The following PRKCE variants were observed in gnomAD, a reference collection of about 807,000 sequenced individuals.
PRKCE encodes the protein protein kinase C epsilon, also known as protein kinase C epsilon type.
A neutral mutation model predicts 85.4 loss-of-function variants in PRKCE; 16 were observed. That is an observed-to-expected ratio of 0.19 (90% CI 0.13 to 0.28). The LOEUF is 0.28. Among genes scored for constraint, PRKCE ranks in the 10% least tolerant of loss-of-function variants. PRKCE has a pLI of 1.00. For missense variants in PRKCE, 573 were observed against 975.2 expected (o/e 0.59, Z 5.49); for synonymous variants, 388 against 371.5 (o/e 1.04, Z -0.51).
chr2:45,910,579 C>G (rs1028237746), intron 2 of PRKCE, among the ~76,000 whole-genome samples: 3 of 152,150 alleles, frequency 2.0e-5, no homozygotes, highest in Admixed American at 6.5e-5. Flanking sequence ...ATCTCCAAGC[C>G]TTGGTTACTT....
At chr2:45,958,661 G>A (rs1701147777) in intron 2 of PRKCE, among the ~76,000 whole-genome samples, 1 of 149,928 alleles carries the variant, frequency 6.7e-6, no homozygotes, top group Admixed American at 6.6e-5. Context: ...GAGAGAGGGA[G>A]TTGTCTCTAT....
chr2:45,685,133 C>G (rs572311560), intron 1 of PRKCE, among the ~76,000 whole-genome samples: 2 of 152,224 alleles, frequency 1.3e-5, no homozygotes, highest in East Asian at 3.9e-4. Flanking sequence ...TCCTGGATAA[C>G]CAAAACCTGG....
intron 1 of PRKCE, among the ~76,000 whole-genome samples, chr2:45,709,321 C>A (rs1338731116): frequency 2.0e-5 from 3 of 152,232 alleles, no homozygotes; most frequent in Non-Finnish European, 4.4e-5. Context: ...TCTCAGCCTT[C>A]CTGGGTCAAG....
chr2:45,862,222 ACACACAGT>A (rs1310619504), intron 2 of PRKCE, among the ~76,000 whole-genome samples: 5 of 141,958 alleles, frequency 3.5e-5, no homozygotes, highest in African/African-American at 9.9e-5. Context: ...ACACACACAC[ACACACAGT>A]ATTTCAAATC....
rs1675192734 is a variant in PRKCE, at chr2:45,652,883, T to C, written c.348+435T>C. 6.6e-6 allele frequency among the ~76,000 whole-genome samples: 1 copy of C among 152,194 alleles called. No homozygotes were observed. Among genetic ancestry groups the C allele is most frequent in the Non-Finnish European group, 1.5e-5 (1 of 68,044 alleles). On this transcript the variant is annotated intron_variant, in intron 1 of 14. Transcript: ENST00000306156. The surrounding 1 kb of genome is among the most constrained non-coding windows in gnomAD (Gnocchi z 7.7). ...CTTCTTGCACGTCCTGGCTTTGTCC[T>C]GCTTAGCCGAGCGAGGAGTTGCTTT...
At chr2:45,720,635 C>A (rs1680537108) in intron 1 of PRKCE, among the ~76,000 whole-genome samples, 1 of 152,128 alleles carries the variant, frequency 6.6e-6, no homozygotes. Context: ...TCTGGTGAGA[C>A]CCAAACTTGA....
At position 45,895,736 on chromosome 2, in the gene PRKCE, A is replaced by C. The variant is rs72801099; in HGVS notation, c.412+52673A>C. Among the ~76,000 whole-genome samples, 5,829 of 152,228 alleles carry C rather than the reference A, an allele frequency of 0.038. 136 individuals are homozygous for C. The highest frequency in any genetic ancestry group is 0.1 in the Middle Eastern group (30 of 294). ...AGGGGCTGGGGCAATCCAGTGGAAA[A>C]GGATGGTCTCAATCTCAGTGCAGTA... On this transcript the variant is annotated intron_variant, in intron 2 of 14. Coordinates refer to ENST00000306156, the MANE Select transcript of PRKCE (RefSeq NM_005400.3). The surrounding 1 kb of genome is among the most constrained non-coding windows in gnomAD (Gnocchi z 4.8).
intron 2 of PRKCE, among the ~76,000 whole-genome samples, chr2:45,897,661 CAG>C (rs1291373748): frequency 6.6e-6 from 1 of 152,074 alleles, no homozygotes; most frequent in Non-Finnish European, 1.5e-5. Context: ...GCTTTCATGA[CAG>C]AGATTATTTG....
chr2:46,148,683 A>C (rs1326472240), intron 12 of PRKCE, among the ~76,000 whole-genome samples: 1 of 152,250 alleles, frequency 6.6e-6, no homozygotes, highest in African/African-American at 2.4e-5. Flanking sequence ...CACTGGGCTC[A>C]GTAGCATGTT....
chr2:45,655,585 G>C (rs1323026355), intron 1 of PRKCE, among the ~76,000 whole-genome samples: 1 of 152,074 alleles, frequency 6.6e-6, no homozygotes, highest in Non-Finnish European at 1.5e-5. Context: ...CAACTACTTG[G>C]GAGGCTGAGC....
intron 14 of PRKCE, among the ~76,000 whole-genome samples, chr2:46,170,039 A>G (rs545834216): frequency 6.6e-6 from 1 of 152,322 alleles, no homozygotes; most frequent in Admixed American, 6.5e-5. Flanking sequence ...GAGAGCAGGG[A>G]TTTGCAGGGT....
chr2:45,780,611 G>A (rs1686105472), intron 1 of PRKCE, among the ~76,000 whole-genome samples: 1 of 152,202 alleles, frequency 6.6e-6, no homozygotes, highest in African/African-American at 2.4e-5. Flanking sequence ...AGGCACATGT[G>A]AGAGACAAAG....
chr2:45,753,919 A>T (rs886277166), intron 1 of PRKCE, among the ~76,000 whole-genome samples: 2 of 152,240 alleles, frequency 1.3e-5, no homozygotes, highest in Admixed American at 6.5e-5. Context: ...GATCACAACA[A>T]ATCCAGCAAT....
intron 11 of PRKCE, among the ~76,000 whole-genome samples, chr2:46,123,130 T>G (rs1446978801): frequency 8.7e-6 from 1 of 115,088 alleles, no homozygotes; most frequent in Non-Finnish European, 1.7e-5. Flanking sequence ...AAGAGGAAAG[T>G]TGACTGAAGT....
chr2:46,095,890 T>C (rs935294584), intron 11 of PRKCE, among the ~76,000 whole-genome samples: 3 of 152,222 alleles, frequency 2.0e-5, no homozygotes, highest in African/African-American at 4.8e-5. Flanking sequence ...TTAGCCTTTG[T>C]GTAGCCAGAC....
intron 1 of PRKCE, among the ~76,000 whole-genome samples, chr2:45,767,601 C>G (rs1283443397): frequency 6.6e-6 from 1 of 152,206 alleles, no homozygotes; most frequent in Non-Finnish European, 1.5e-5. Flanking sequence ...CACACTCAAT[C>G]TCCGGGGGCA....
chr2:45,978,743 A>G (rs907295082), intron 3 of PRKCE: 42 of 516,104 alleles, frequency 8.1e-5, no homozygotes, highest in Admixed American at 7.4e-4. Context: ...TAGGAAATCA[A>G]GCTCTGATGC....
intron 1 of PRKCE, among the ~76,000 whole-genome samples, chr2:45,840,968 A>G (rs1253785323): frequency 2.0e-5 from 3 of 152,112 alleles, no homozygotes. Flanking sequence ...TGGGAGGGTG[A>G]ATGTTCCCAG....
intron 10 of PRKCE, among the ~76,000 whole-genome samples, chr2:46,062,497 C>T (rs1294931453): frequency 6.6e-6 from 1 of 152,046 alleles, no homozygotes; most frequent in Non-Finnish European, 1.5e-5. Flanking sequence ...TAGGACTAGA[C>T]ACAAACTATG....
Sources: gnomAD v4.1 joint callset for allele counts (sites outside exome capture counted in the v4.1 genomes callset) on GRCh38, gnomAD v4.1.1 for gene constraint, Gnocchi (gnomAD v3.1) non-coding constraint, MANE v1.5 for transcripts, NCBI Gene and HGNC (gene_info 2026-07-23, HGNC 2026-07-21) for gene names.